The following LUZP2 variants were observed in gnomAD, a reference collection of about 807,000 sequenced individuals.
LUZP2 encodes leucine zipper protein 2.
Under a neutral mutation model 51.6 loss-of-function variants are expected in LUZP2, and 52 were observed. The observed-to-expected ratio is 1.01, with a 90% CI of 0.81 to 1.27. The LOEUF is 1.27. Among genes scored for constraint, LUZP2 ranks in the 50% most tolerant of loss-of-function variants. The probability of loss-of-function intolerance (pLI) is 0.00; values close to 1 mark genes in which losing one functional copy is unlikely to be tolerated. For synonymous variants in LUZP2, 154 were observed against 137.3 expected, an observed-to-expected ratio of 1.12 and a Z score of -0.85; for missense variants, 436 against 395.4, an observed-to-expected ratio of 1.10 and a Z score of -0.87.
chr11:24,549,132 T>C (rs915680913), intron 1 of LUZP2, among the ~76,000 whole-genome samples: 1 of 152,074 alleles, frequency 6.6e-6, no homozygotes, highest in African/African-American at 2.4e-5. Flanking sequence ...TGCAAGTATA[T>C]TGTACAGCTG....
chr11:24,803,600 T>C (rs1247428819), intron 5 of LUZP2, among the ~76,000 whole-genome samples: 1 of 152,044 alleles, frequency 6.6e-6, no homozygotes, highest in African/African-American at 2.4e-5. Flanking sequence ...GACAGATGAA[T>C]AGATAAACAA....
intron 1 of LUZP2, among the ~76,000 whole-genome samples, chr11:24,530,789 G>T: frequency 5.1e-5 from 5 of 98,724 alleles, no homozygotes; most frequent in South Asian, 3.2e-4. Flanking sequence ...TTTTTTTGGT[G>T]GGGTTTAGGG....
chr11:24,968,932 G>C (rs1029866982), intron 7 of LUZP2, among the ~76,000 whole-genome samples: 3 of 152,186 alleles, frequency 2.0e-5, no homozygotes, highest in African/African-American at 7.2e-5. Flanking sequence ...GTTGTTTATA[G>C]GAGGAGGGCT....
rs1487800198 is a variant in LUZP2 at position 24,537,361 on chromosome 11, CTT to C, written c.62+40058_62+40059del. Among the ~76,000 whole-genome samples, 3 of 151,954 alleles carry C rather than the reference CTT, an allele frequency of 2.0e-5. No individual in the cohort carries two copies. In the East Asian group the frequency reaches 5.8e-4, roughly 30 times the overall value. ...CTGTATTTGAGAATAAAACTGATAA[CTT>C]TGTACTGAGCTTCTTCAAACAAGTT... On this transcript the variant is annotated intron_variant, in intron 1 of 11. Transcript: ENST00000336930.
chr11:24,907,646 T>C (rs192889935), intron 6 of LUZP2, among the ~76,000 whole-genome samples: 117 of 152,280 alleles, frequency 7.7e-4, no homozygotes, highest in African/African-American at 2.3e-3. Context: ...AAGAAATATC[T>C]AGATTGAAGT....
At chr11:24,529,309 A>T (rs762405186) in intron 1 of LUZP2, among the ~76,000 whole-genome samples, 2 of 151,042 alleles carry the variant, frequency 1.3e-5, no homozygotes, top group African/African-American at 4.8e-5. Flanking sequence ...CCATGTATAT[A>T]TTGTCTTCAT....
chr11:24,507,285 C>G (rs1310594358), intron 1 of LUZP2, among the ~76,000 whole-genome samples: 4 of 152,014 alleles, frequency 2.6e-5, no homozygotes, highest in Admixed American at 6.6e-5. Flanking sequence ...ACTATAAACT[C>G]TAGTATACTT....
chr11:24,766,268 A>G (rs896245278), intron 5 of LUZP2, among the ~76,000 whole-genome samples: 37 of 152,106 alleles, frequency 2.4e-4, no homozygotes, highest in Non-Finnish European at 5.3e-4. Flanking sequence ...TCTATTCCGC[A>G]ACAATGTGTA....
intron 1 of LUZP2, among the ~76,000 whole-genome samples, chr11:24,671,009 T>C (rs1856385143): frequency 6.6e-6 from 1 of 151,914 alleles, no homozygotes; most frequent in Non-Finnish European, 1.5e-5. Context: ...AAAGATGTCC[T>C]GGGTATTGTG....
rs189031620 is a variant in LUZP2, at chr11:25,006,903, C to A, written c.765+23610C>A. Among the ~76,000 whole-genome samples the A allele has an allele frequency of 1.7e-3, 259 of 152,194 alleles. 3 individuals are homozygous for A. The highest frequency in any genetic ancestry group is 5.9e-3 in the African/African-American group (245 of 41,510). Reference sequence around the variant, plus strand: ...TCCACAGCGTGGAAAGGGACCCAAGCGGGTTGCTGCTGCTGGCTTGCTTGG... The same window carrying A: ...TCCACAGCGTGGAAAGGGACCCAAGAGGGTTGCTGCTGCTGGCTTGCTTGG... On this transcript the variant is annotated intron_variant, in intron 9 of 11. Coordinates refer to ENST00000336930, the MANE Select transcript of LUZP2 (RefSeq NM_001009909.4).
chr11:24,574,498 A>G (rs1242959031), intron 1 of LUZP2, among the ~76,000 whole-genome samples: 3 of 151,842 alleles, frequency 2.0e-5, no homozygotes, highest in African/African-American at 7.3e-5. Flanking sequence ...GCTATCCAGG[A>G]AAATCAATAA....
intron 1 of LUZP2, among the ~76,000 whole-genome samples, chr11:24,696,060 G>A (rs1311925220): frequency 6.6e-6 from 1 of 152,022 alleles, no homozygotes; most frequent in Non-Finnish European, 1.5e-5. Context: ...TATTTGGGAA[G>A]GACAGTAATA....
At chr11:24,810,754 G>A (rs1368689092) in intron 5 of LUZP2, among the ~76,000 whole-genome samples, 1 of 152,072 alleles carries the variant, frequency 6.6e-6, no homozygotes, top group South Asian at 2.1e-4. Context: ...TTCCTCAAAA[G>A]AATAAATTAG....
chr11:24,546,963 TTGGTGGTGGTGG>T (rs79607613), intron 1 of LUZP2, among the ~76,000 whole-genome samples: 20 of 105,586 alleles, frequency 1.9e-4, no homozygotes, highest in South Asian at 6.1e-4. Context: ...GTTGTTGTTG[TTGGTGGTGGTGG>T]TGGTGGTGGT....
intron 9 of LUZP2, among the ~76,000 whole-genome samples, chr11:25,033,999 C>A (rs1857778063): frequency 6.6e-6 from 1 of 152,088 alleles, no homozygotes; most frequent in Non-Finnish European, 1.5e-5. Flanking sequence ...TTTGAGAAAC[C>A]TCCAGACTCC....
chr11:24,923,064 G>C (rs986386912), intron 7 of LUZP2, among the ~76,000 whole-genome samples: 1 of 151,468 alleles, frequency 6.6e-6, no homozygotes, highest in African/African-American at 2.4e-5. Flanking sequence ...TAGCCAGGAT[G>C]GTCTCGATCT....
chr11:24,557,392 G>T (rs138877762), intron 1 of LUZP2, among the ~76,000 whole-genome samples: 2 of 150,624 alleles, frequency 1.3e-5, no homozygotes, highest in African/African-American at 2.4e-5. Flanking sequence ...TTATGGTTTT[G>T]AGTAAAATTA....
intron 5 of LUZP2, among the ~76,000 whole-genome samples, chr11:24,832,988 T>TG (rs1200891498): frequency 6.6e-6 from 1 of 152,188 alleles, no homozygotes; most frequent in Admixed American, 6.5e-5. Context: ...TGGGTACTTT[T>TG]GGACTAATCA....
At chr11:24,733,223 T>C (rs1467887470) in intron 3 of LUZP2, among the ~76,000 whole-genome samples, 1 of 151,804 alleles carries the variant, frequency 6.6e-6, no homozygotes, top group Admixed American at 6.6e-5. Context: ...TAGTGACATG[T>C]TTATTATTTA....
Sources: gnomAD v4.1 joint callset for allele counts (sites outside exome capture counted in the v4.1 genomes callset) on GRCh38, gnomAD v4.1.1 for gene constraint, MANE v1.5 for transcripts, NCBI Gene and HGNC (gene_info 2026-07-23, HGNC 2026-07-21) for gene names.